Variants in DCDC2 observed in about 807,000 individuals in gnomAD.
DCDC2 encodes the protein doublecortin domain containing 2.
A neutral mutation model predicts 50.2 loss-of-function variants in DCDC2; 40 were observed. The ratio of observed to expected loss-of-function variants is 0.80; its 90% CI spans 0.62 to 1.04. The LOEUF is 1.04. Among genes scored for constraint, DCDC2 ranks in the 50% least tolerant of loss-of-function variants. DCDC2 has a pLI of 0.00. For missense variants in DCDC2, 570 were observed against 581.9 expected (o/e 0.98, Z 0.21); for synonymous variants, 234 against 210.6 (o/e 1.11, Z -0.96).
chr6:24,359,186 ATT>A (rs1260858088), upstream of DCDC2, among the ~76,000 whole-genome samples: 4 of 71,366 alleles, frequency 5.6e-5, no homozygotes, highest in Non-Finnish European at 7.0e-5. Flanking sequence ...TATTTTATAT[ATT>A]TTATATATTA....
chr6:24,312,264 A>C (rs1211972633), intron 2 of DCDC2, among the ~76,000 whole-genome samples: 1 of 152,082 alleles, frequency 6.6e-6, no homozygotes, highest in South Asian at 2.1e-4. Flanking sequence ...CAGGTGATTA[A>C]AAAGCTTTAT....
intron 7 of DCDC2, among the ~76,000 whole-genome samples, chr6:24,235,037 G>A (rs900735183): frequency 6.6e-6 from 1 of 152,140 alleles, no homozygotes; most frequent in African/African-American, 2.4e-5. Flanking sequence ...GAAAAATTCT[G>A]CATTATGGGA....
chr6:24,313,450 T>C (rs1334154520), intron 2 of DCDC2, among the ~76,000 whole-genome samples: 1 of 152,238 alleles, frequency 6.6e-6, no homozygotes, highest in Non-Finnish European at 1.5e-5. Flanking sequence ...TACTACACCA[T>C]ACTTAGATTT....
chr6:24,266,141 A>G (rs1207125280), intron 7 of DCDC2, among the ~76,000 whole-genome samples: 1 of 152,140 alleles, frequency 6.6e-6, no homozygotes, highest in Non-Finnish European at 1.5e-5. Context: ...GGATATCCAT[A>G]TGCAAAAGAA....
intron 4 of DCDC2, among the ~76,000 whole-genome samples, chr6:24,301,140 G>A (rs1299332151): frequency 6.6e-6 from 1 of 151,834 alleles, no homozygotes; most frequent in Non-Finnish European, 1.5e-5. Context: ...GGGAGGCCAA[G>A]GCGGGCGGAT....
intron 7 of DCDC2, among the ~76,000 whole-genome samples, chr6:24,255,961 A>C (rs1421636576): frequency 6.6e-6 from 1 of 152,186 alleles, no homozygotes; most frequent in Non-Finnish European, 1.5e-5. Flanking sequence ...AGCACTACTC[A>C]ATCAAGCCCC....
intron 1 of DCDC2, among the ~76,000 whole-genome samples, chr6:24,355,640 C>T (rs1352912130): frequency 6.6e-6 from 1 of 152,170 alleles, no homozygotes; most frequent in Non-Finnish European, 1.5e-5. Flanking sequence ...CTTCAGTCTC[C>T]TGGTTTTAAG....
chr6:24,232,449 TC>T (rs1170385292), intron 7 of DCDC2, among the ~76,000 whole-genome samples: 1 of 152,166 alleles, frequency 6.6e-6, no homozygotes, highest in Non-Finnish European at 1.5e-5. Flanking sequence ...CTAAACAAAC[TC>T]ACCAATACTA....
intron 8 of DCDC2, among the ~76,000 whole-genome samples, chr6:24,197,764 T>C (rs923703730): frequency 1.3e-5 from 2 of 152,180 alleles, no homozygotes; most frequent in Non-Finnish European, 2.9e-5. Context: ...ATTTGTCAGA[T>C]GGTGAAATCT....
At chr6:24,195,012 A>T (rs1761400843) in intron 8 of DCDC2, among the ~76,000 whole-genome samples, 1 of 152,174 alleles carries the variant, frequency 6.6e-6, no homozygotes, top group Non-Finnish European at 1.5e-5. Context: ...ACTCTTTCTT[A>T]GCTGGAATTA....
At chr6:24,211,621 T>TA (rs886256903) in intron 7 of DCDC2, among the ~76,000 whole-genome samples, 1 of 152,154 alleles carries the variant, frequency 6.6e-6, no homozygotes, top group Admixed American at 6.5e-5. Flanking sequence ...AGAGTGGGAC[T>TA]GATACAGTGC....
rs3846827 is a variant in DCDC2 at position 24,277,972 on chromosome 6, G to C, written c.922+77C>G. The C allele has an allele frequency of 0.1, 124,885 of 1,196,180 alleles. 7,168 individuals are homozygous for C. Among genetic ancestry groups the C allele is most frequent in the Middle Eastern group, 0.14 (482 of 3,404 alleles). 74.1% of individuals were successfully genotyped at this position (1,196,180 alleles called of 1,614,324 possible). ...TATATGAAAATAAGGAATATCTTCT[G>C]TGGGCCCAGAGAAACAATGGATCTA... On this transcript the variant is annotated intron_variant, in intron 7 of 9. Coordinates refer to ENST00000378454, the MANE Select transcript of DCDC2 (RefSeq NM_016356.5).
In DCDC2 at chr6:24,266,178, T is replaced by C. The variant is rs76037897; in HGVS notation, c.922+11871A>G. 1.4e-3 allele frequency among the ~76,000 whole-genome samples: 208 copies of C among 152,230 alleles called. 1 individual carries two copies. The highest frequency in any genetic ancestry group is 4.8e-3 in the African/African-American group (199 of 41,564). On this transcript the variant is annotated intron_variant, in intron 7 of 9. Coordinates refer to ENST00000378454, the MANE Select transcript of DCDC2 (RefSeq NM_016356.5). Reference sequence around the variant, plus strand: ...GAAATTGGACCCCGATATCTCACCATATACAAAAATAAAATCAAAATGGAT... The same window carrying C: ...GAAATTGGACCCCGATATCTCACCACATACAAAAATAAAATCAAAATGGAT...
At chr6:24,314,519 C>G (rs905174422) in intron 2 of DCDC2, among the ~76,000 whole-genome samples, 2 of 151,856 alleles carry the variant, frequency 1.3e-5, no homozygotes, top group Non-Finnish European at 1.5e-5. Context: ...AAAATTAAAA[C>G]TAAAAATATG....
At chr6:24,207,850 A>G (rs1761757132) in intron 7 of DCDC2, among the ~76,000 whole-genome samples, 2 of 152,152 alleles carry the variant, frequency 1.3e-5, no homozygotes, top group South Asian at 2.1e-4. Context: ...CCTGCTCAGT[A>G]TTAAATTCTC....
chr6:24,219,933 G>A (rs1016901661), intron 7 of DCDC2, among the ~76,000 whole-genome samples: 6 of 152,194 alleles, frequency 3.9e-5, no homozygotes, highest in Admixed American at 6.5e-5. Context: ...ACTTGCTTCC[G>A]AGGAGGAAAG....
intron 8 of DCDC2, among the ~76,000 whole-genome samples, chr6:24,202,375 C>G (rs1044915533): frequency 2.3e-4 from 35 of 152,232 alleles, no homozygotes; most frequent in Admixed American, 4.6e-4. Flanking sequence ...GAACCAATGA[C>G]AAAAACCACA....
At chr6:24,256,527 T>G (rs1420416805) in intron 7 of DCDC2, among the ~76,000 whole-genome samples, 1 of 152,266 alleles carries the variant, frequency 6.6e-6, no homozygotes, top group African/African-American at 2.4e-5. Context: ...AACAGCTGGA[T>G]GCTCAGATGA....
chr6:24,237,009 C>CAAA (rs34576545), intron 7 of DCDC2, among the ~76,000 whole-genome samples: 73 of 143,950 alleles, frequency 5.1e-4, no homozygotes, highest in Admixed American at 1.4e-3. Flanking sequence ...AGCTCTGACT[C>CAAA]AAAAAAAAAA....
Sources: allele counts gnomAD v4.1 joint callset (sites outside exome capture counted in the v4.1 genomes callset), GRCh38; gene constraint gnomAD v4.1.1; transcripts MANE v1.5; gene names NCBI Gene and HGNC (gene_info 2026-07-23, HGNC 2026-07-21).